STRN: variants seen among roughly 807,000 people sequenced by gnomAD.
The protein encoded by STRN is protein phosphatase 2 regulatory subunit B'''alpha.
Under a neutral mutation model 96.3 loss-of-function variants are expected in STRN, and 53 were observed. That is an observed-to-expected ratio of 0.55 (90% CI 0.44 to 0.69). The LOEUF (loss-of-function observed/expected upper bound fraction) is 0.69, where lower values mean the gene tolerates loss of function less well. Ranked by LOEUF, STRN falls within the 30% of genes least tolerant of loss-of-function variation. STRN has a pLI of 0.00. For missense variants in STRN, 987 were observed against 963.9 expected, an observed-to-expected ratio of 1.02 and a Z score of -0.32; for synonymous variants, 428 against 355.9, an observed-to-expected ratio of 1.20 and a Z score of -2.28.
At chr2:36,893,254 A>T (rs1181466403) in intron 7 of STRN, among the ~76,000 whole-genome samples, 1 of 152,204 alleles carries the variant, frequency 6.6e-6, no homozygotes, top group Non-Finnish European at 1.5e-5. Context: ...TGTTACAGAC[A>T]ATTAAAAATG....
intron 14 of STRN, among the ~76,000 whole-genome samples, chr2:36,856,169 ATG>A (rs1668338978): frequency 6.6e-6 from 1 of 152,244 alleles, no homozygotes; most frequent in Non-Finnish European, 1.5e-5. Context: ...ACAATACTGT[ATG>A]TTTGTAAGGA....
intron 7 of STRN, among the ~76,000 whole-genome samples, chr2:36,890,640 T>C (rs1050059368): frequency 1.3e-5 from 2 of 151,918 alleles, no homozygotes; most frequent in Non-Finnish European, 2.9e-5. Flanking sequence ...CCCGCCCCAA[T>C]GCCCAGCTAA....
In STRN at chr2:36,897,434, A is replaced by T. The variant is rs190276102; in HGVS notation, c.795+2089T>A. On this transcript the variant is annotated intron_variant, in intron 6 of 17. Coordinates refer to ENST00000263918, the MANE Select transcript of STRN (RefSeq NM_003162.4). ...TATTTTTTTCCAAAAAAAACTAAAA[A>T]ATATATATATATTTTTTTTTTGAGA... Among the ~76,000 whole-genome samples the T allele has an allele frequency of 9.9e-3, 1,478 of 149,004 alleles. 58 individuals carry two copies. The East Asian group carries it at 0.12, about 13-fold the overall frequency.
At chr2:36,915,232 A>AAT (rs72466696) in intron 3 of STRN, among the ~76,000 whole-genome samples, 6,200 of 85,540 alleles carry the variant, frequency 0.072, 225 homozygotes, top group Non-Finnish European at 0.1. Flanking sequence ...TGAATACATA[A>AAT]ATATATATAT....
chr2:36,845,462 A>G lies in STRN; in HGVS notation c.*3994T>C, dbSNP rs1668043772. 6.6e-6 allele frequency: 1 copy of G among 152,174 alleles called. No homozygotes were observed. 9.4% of individuals were successfully genotyped at this position (152,174 alleles called of 1,614,324 possible). ...GGTAGATATGAGAGATGCTTTTTAA[A>G]TATTTTAAGACTATTCTTAGGTGGA... On this transcript the variant is annotated 3_prime_UTR_variant, in exon 18 of 18. Transcript: ENST00000263918.
chr2:36,964,931 T>C (rs1226310480), intron 1 of STRN, among the ~76,000 whole-genome samples: 2 of 152,136 alleles, frequency 1.3e-5, no homozygotes, highest in Non-Finnish European at 2.9e-5. Context: ...ATAAAATACA[T>C]GATAAAACTG....
chr2:36,894,942 G>C (rs113412416), intron 6 of STRN, among the ~76,000 whole-genome samples: 1,530 of 152,174 alleles, frequency 0.01, 38 homozygotes, highest in African/African-American at 0.035. Context: ...ATCCTTCTCA[G>C]TACAGCACTC....
intron 12 of STRN, among the ~76,000 whole-genome samples, chr2:36,865,456 G>T (rs1181009827): frequency 1.3e-5 from 2 of 151,408 alleles, no homozygotes; most frequent in Non-Finnish European, 1.5e-5. Flanking sequence ...CGTTTTTTTT[G>T]TGTGTCTCAA....
At chr2:36,901,739 T>A (rs1044910785) in intron 5 of STRN, among the ~76,000 whole-genome samples, 1 of 152,270 alleles carries the variant, frequency 6.6e-6, no homozygotes, top group East Asian at 1.9e-4. Context: ...TGGAAATGTA[T>A]TCTTAATTAT....
intron 1 of STRN, among the ~76,000 whole-genome samples, chr2:36,959,591 A>AT (rs1664978977): frequency 6.6e-6 from 1 of 152,198 alleles, no homozygotes; most frequent in East Asian, 1.9e-4. Context: ...TTACTCTGTC[A>AT]TTACATCTCA....
intron 1 of STRN, among the ~76,000 whole-genome samples, chr2:36,931,961 T>C (rs888730527): frequency 5.3e-5 from 8 of 152,064 alleles, no homozygotes; most frequent in Admixed American, 3.9e-4. Context: ...GCTGGGACTA[T>C]AGGCGCATAC....
At chr2:36,942,588 A>G (rs1430957865) in intron 1 of STRN, among the ~76,000 whole-genome samples, 2 of 152,238 alleles carry the variant, frequency 1.3e-5, no homozygotes, top group Non-Finnish European at 1.5e-5. Context: ...GGTCAAATAT[A>G]ACTATTTCAT....
At chr2:36,930,304 T>C (rs1670537942) in intron 1 of STRN, among the ~76,000 whole-genome samples, 1 of 151,946 alleles carries the variant, frequency 6.6e-6, no homozygotes, top group Non-Finnish European at 1.5e-5. Context: ...TGGTGGCGTG[T>C]GCCTGTAGTC....
At chr2:36,871,355 T>C (rs556677317) in intron 10 of STRN, among the ~76,000 whole-genome samples, 39 of 152,336 alleles carry the variant, frequency 2.6e-4, no homozygotes, top group African/African-American at 8.4e-4. Context: ...TCTTTTACAC[T>C]GTATTTTTAC....
rs543800389 is a variant in STRN, at chr2:36,907,246, C to T, written c.413-1628G>A. On this transcript the variant is annotated intron_variant, in intron 3 of 17. Coordinates refer to ENST00000263918, the MANE Select transcript of STRN (RefSeq NM_003162.4). ...GGGACTGGAAAAATTTATTTGGTGACATTTGAAATTAAGTATTTACGGGAC... is the reference window on the plus strand; with the variant it reads ...GGGACTGGAAAAATTTATTTGGTGATATTTGAAATTAAGTATTTACGGGAC... Among the ~76,000 whole-genome samples, 7 of 152,166 alleles carry T rather than the reference C, an allele frequency of 4.6e-5. No homozygotes were observed. In the East Asian group the frequency reaches 1.4e-3, roughly 29 times the overall value.
Position 36,842,689 on chromosome 2 carries a change from G to C in STRN, c.*6767C>G, listed in dbSNP as rs1181624044. On this transcript the variant is annotated 3_prime_UTR_variant, in exon 18 of 18. Coordinates refer to ENST00000263918, the MANE Select transcript of STRN (RefSeq NM_003162.4). ...GAAAGGGTTAGGTTTTGTAGGGTTT[G>C]AGTGATACTTAGAAGCGAGTCATTT... 9 of 152,092 alleles carry C rather than the reference G, an allele frequency of 5.9e-5. No individual in the cohort carries two copies. The highest frequency in any genetic ancestry group is 1.0e-4 in the Non-Finnish European group (7 of 68,014). 9.4% of individuals were successfully genotyped at this position (152,092 alleles called of 1,614,324 possible).
rs75994399 is a variant in STRN, at chr2:36,859,525, T to C, written c.1670-1502A>G. ...ACGAGAGAAGAAACACAGAAAATGC[T>C]AGGATTTACAGACAATGAAACAGTC... is the stretch of plus-strand genomic sequence containing the variant. On this transcript the variant is annotated intron_variant, in intron 13 of 17. Coordinates refer to ENST00000263918, the MANE Select transcript of STRN (RefSeq NM_003162.4). Among the ~76,000 whole-genome samples the C allele has an allele frequency of 4.8e-3, 730 of 152,256 alleles. 4 individuals carry two copies. Among genetic ancestry groups the C allele is most frequent in the African/African-American group, 0.016 (676 of 41,544 alleles).
chr2:36,954,043 A>T (rs1240126069), intron 1 of STRN, among the ~76,000 whole-genome samples: 2 of 152,142 alleles, frequency 1.3e-5, no homozygotes. Context: ...ACTAAAAATC[A>T]AATTTTTAGG....
intron 8 of STRN, among the ~76,000 whole-genome samples, chr2:36,885,745 C>A (rs546200973): frequency 6.6e-6 from 1 of 152,198 alleles, no homozygotes; most frequent in East Asian, 1.9e-4. Flanking sequence ...TTTAGCATCA[C>A]TACAGAGAGA....
Sources: gnomAD v4.1 joint callset for allele counts (sites outside exome capture counted in the v4.1 genomes callset) on GRCh38, gnomAD v4.1.1 for gene constraint, MANE v1.5 for transcripts, NCBI Gene and HGNC (gene_info 2026-07-23, HGNC 2026-07-21) for gene names.